The following CDH13 variants were observed in gnomAD, a reference collection of about 807,000 sequenced individuals.
CDH13 encodes cadherin-13.
CDH13 carries 24 observed loss-of-function variants against 63.8 expected under a neutral mutation model. The observed-to-expected ratio is 0.38, with a 90% CI of 0.27 to 0.53. The LOEUF (loss-of-function observed/expected upper bound fraction) is 0.53. CDH13 is among the 20% of genes least tolerant of loss of function. The pLI, the probability that CDH13 is intolerant of heterozygous loss-of-function variation, is 0.85. For missense variants in CDH13, 1,049 were observed against 903.1 expected, an observed-to-expected ratio of 1.16 and a Z score of -2.07; for synonymous variants, 503 against 355.3, an observed-to-expected ratio of 1.42 and a Z score of -4.67.
chr16:82,885,486 T>TCCAC (rs2040856327), intron 2 of CDH13, among the ~76,000 whole-genome samples: 1 of 63,416 alleles, frequency 1.6e-5, no homozygotes, highest in Non-Finnish European at 2.8e-5. Flanking sequence ...CATCCACCCA[T>TCCAC]CCATCCATCC....
intron 3 of CDH13, among the ~76,000 whole-genome samples, chr16:83,095,057 C>T (rs941722675): frequency 1.3e-5 from 2 of 152,180 alleles, no homozygotes; most frequent in African/African-American, 4.8e-5. Flanking sequence ...AAATCCCACT[C>T]TTCCTCCCAA....
intron 8 of CDH13, among the ~76,000 whole-genome samples, chr16:83,659,161 C>A (rs1913201146): frequency 6.8e-6 from 1 of 147,200 alleles, no homozygotes; most frequent in African/African-American, 2.5e-5. Flanking sequence ...CATGTCCTCA[C>A]CACCAGGTCC....
intron 1 of CDH13, among the ~76,000 whole-genome samples, chr16:82,816,761 A>T (rs1388238262): frequency 7.3e-6 from 1 of 136,342 alleles, no homozygotes; most frequent in Non-Finnish European, 1.5e-5. Flanking sequence ...ATGTTTTATC[A>T]TCACCGTCGT....
intron 1 of CDH13, among the ~76,000 whole-genome samples, chr16:82,789,074 T>C (rs1024831268): frequency 6.6e-6 from 1 of 152,146 alleles, no homozygotes; most frequent in Admixed American, 6.5e-5. Flanking sequence ...GATAAGGAGC[T>C]TGAGTTACTT....
intron 7 of CDH13, among the ~76,000 whole-genome samples, chr16:83,570,142 T>G (rs1904440641): frequency 6.6e-6 from 1 of 152,194 alleles, no homozygotes; most frequent in African/African-American, 2.4e-5. Context: ...AGCTCTATTG[T>G]TGGCCAGAAA....
At chr16:83,528,831 T>C (rs999793606) in intron 7 of CDH13, among the ~76,000 whole-genome samples, 1 of 152,214 alleles carries the variant, frequency 6.6e-6, no homozygotes, top group Admixed American at 6.5e-5. Context: ...GACTGTTCAA[T>C]CCCAGTCTCC....
At chr16:83,423,110 C>T (rs1250624178) in intron 6 of CDH13, among the ~76,000 whole-genome samples, 1 of 151,996 alleles carries the variant, frequency 6.6e-6, no homozygotes, top group Non-Finnish European at 1.5e-5. Flanking sequence ...AATGTGTTTC[C>T]CCCCATTTTC....
At chr16:83,724,136 G>A (rs1255665865) in intron 10 of CDH13, among the ~76,000 whole-genome samples, 1 of 146,972 alleles carries the variant, frequency 6.8e-6, no homozygotes, top group African/African-American at 2.7e-5. Flanking sequence ...ATGCATGGGT[G>A]GGTGATGAAT....
chr16:83,173,348 G>C (rs1203057084), intron 4 of CDH13, among the ~76,000 whole-genome samples: 3 of 152,104 alleles, frequency 2.0e-5, no homozygotes, highest in African/African-American at 4.8e-5. Context: ...TGGAATATTT[G>C]CTATGGAACT....
At chr16:83,106,638 A>G (rs6565126) in intron 3 of CDH13, among the ~76,000 whole-genome samples, 19,518 of 152,252 alleles carry the variant, frequency 0.13, 1,712 homozygotes, top group African/African-American at 0.25. Context: ...ATTGTGCCGC[A>G]ACTAAAATTA....
intron 7 of CDH13, among the ~76,000 whole-genome samples, chr16:83,544,275 G>A (rs972562662): frequency 2.0e-5 from 3 of 152,120 alleles, no homozygotes; most frequent in Admixed American, 2.0e-4. Flanking sequence ...CCAGTCTATA[G>A]GACGATTGAG....
chr16:83,157,745 A>G (rs1214448878), intron 4 of CDH13, among the ~76,000 whole-genome samples: 2 of 108,352 alleles, frequency 1.8e-5, no homozygotes, highest in African/African-American at 1.2e-4. Flanking sequence ...ATATAAAAAA[A>G]AAAAAAAAAA....
chr16:83,198,830 C>A (rs2038948039), intron 4 of CDH13, among the ~76,000 whole-genome samples: 1 of 152,090 alleles, frequency 6.6e-6, no homozygotes, highest in Non-Finnish European at 1.5e-5. Flanking sequence ...AGAAGAGGAG[C>A]CATTATTCAT....
At chr16:83,424,504 A>AT (rs1336085853) in intron 6 of CDH13, among the ~76,000 whole-genome samples, 2 of 152,070 alleles carry the variant, frequency 1.3e-5, no homozygotes, top group African/African-American at 2.4e-5. Context: ...TCTCTTGATT[A>AT]TTTTTTTTAA....
At position 82,682,503 on chromosome 16, in the gene CDH13, C is replaced by G. The variant is rs58382113; in HGVS notation, c.45+55366C>G. On this transcript the variant is annotated intron_variant, in intron 1 of 13. Coordinates refer to ENST00000567109, the MANE Select transcript of CDH13 (RefSeq NM_001257.5). Reference sequence around the variant, plus strand: ...GGAGAAATACTCCATTACATGTATACATTTACTTTCTCTTAAACTGATGGG... The same window carrying G: ...GGAGAAATACTCCATTACATGTATAGATTTACTTTCTCTTAAACTGATGGG... Among the ~76,000 whole-genome samples, 3,706 of 152,304 alleles carry G rather than the reference C, an allele frequency of 0.024. 237 individuals carry two copies. The East Asian group carries it at 0.26, about 11-fold the overall frequency.
At chr16:83,115,119 C>G (rs550747757) in intron 3 of CDH13, among the ~76,000 whole-genome samples, 1 of 152,186 alleles carries the variant, frequency 6.6e-6, no homozygotes, top group Non-Finnish European at 1.5e-5. Flanking sequence ...AAGCACAGAC[C>G]TCCTTGAAAA....
intron 2 of CDH13, among the ~76,000 whole-genome samples, chr16:82,944,538 G>A (rs1056349423): frequency 1.3e-5 from 2 of 152,140 alleles, no homozygotes; most frequent in African/African-American, 2.4e-5. Context: ...TGTTGTGACA[G>A]TGTGGACCAG....
chr16:83,323,339 G>A (rs141541017), intron 5 of CDH13, among the ~76,000 whole-genome samples: 68 of 148,668 alleles, frequency 4.6e-4, no homozygotes, highest in East Asian at 1.2e-3. Context: ...ATAGTGGCAC[G>A]ATCTTAGTTC....
In CDH13 at chr16:83,796,308, C is replaced by G. The variant is rs536896433; in HGVS notation, c.*1278C>G. Reference sequence around the variant, plus strand: ...GCTTGTGGCTTTTTATTAGAGCTCGCCACGAACTAGGGTAAGGTGAGTGTC... The same window carrying G: ...GCTTGTGGCTTTTTATTAGAGCTCGGCACGAACTAGGGTAAGGTGAGTGTC... On this transcript the variant is annotated 3_prime_UTR_variant, in exon 14 of 14. Transcript: ENST00000567109. The G allele has an allele frequency of 4.7e-4, 72 of 152,276 alleles. No homozygotes were observed. The highest frequency in any genetic ancestry group is 1.7e-3 in the African/African-American group (69 of 41,576). The allele number at this position is 152,276 out of a possible 1,614,324, so 9.4% of individuals were successfully genotyped here.
Sources: allele counts gnomAD v4.1 joint callset (sites outside exome capture counted in the v4.1 genomes callset), GRCh38; gene constraint gnomAD v4.1.1; transcripts MANE v1.5; gene names NCBI Gene and HGNC (gene_info 2026-07-23, HGNC 2026-07-21).